Variants in FBXW2 observed in about 807,000 individuals in gnomAD.
FBXW2 encodes the protein F-box/WD repeat-containing protein 2.
In FBXW2, 12 loss-of-function variants were observed where a neutral mutation model predicts 46.0. The ratio of observed to expected loss-of-function variants is 0.26; its 90% CI spans 0.17 to 0.42. The LOEUF (loss-of-function observed/expected upper bound fraction) is 0.42. FBXW2 is among the 10% of genes least tolerant of loss of function. The pLI, the probability that FBXW2 is intolerant of heterozygous loss-of-function variation, is 1.00. For missense variants in FBXW2, 360 were observed against 537.0 expected (o/e 0.67, Z 3.26); for synonymous variants, 203 against 209.6 (o/e 0.97, Z 0.27).
In FBXW2 at chr9:120,784,637, C is replaced by T. The variant is rs1038682410; in HGVS notation, c.490+3132G>A. On this transcript the variant is annotated intron_variant, in intron 3 of 7. Coordinates refer to ENST00000608872, the MANE Select transcript of FBXW2 (RefSeq NM_012164.4). ...CTCCAAAAAAGAAAAAAAAAAAATG[C>T]GGCTGGGTGCAGTGCCTCACACCTG... Among the ~76,000 whole-genome samples, 13 of 150,894 alleles carry T rather than the reference C, an allele frequency of 8.6e-5. 1 individual carries two copies. The highest frequency in any genetic ancestry group is 6.3e-4 in the South Asian group (3 of 4,770).
intron 4 of FBXW2, among the ~76,000 whole-genome samples, chr9:120,777,267 A>G (rs2044516447): frequency 6.6e-6 from 1 of 152,272 alleles, no homozygotes; most frequent in East Asian, 1.9e-4. Context: ...TTCAAATATT[A>G]ATTTCTAACA....
rs2044761331 is a variant in FBXW2, at chr9:120,788,117, G to A, written c.142C>T (p.Leu48=). Residue 48 remains leucine, a synonymous_variant, in exon 3 of 8, where the codon CTA becomes TTA. Transcript: ENST00000608872. ...AVQLRHLSNN[L]ETLLKRDFLK... is the part of the protein sequence containing the mutation. ...AAGTCCCGCTTGAGGAGAGTCTCTAGGTTATTGGAGAGATGCCTGAGCTGG... is the reference window on the plus strand; with the variant it reads ...AAGTCCCGCTTGAGGAGAGTCTCTAAGTTATTGGAGAGATGCCTGAGCTGG... 6.2e-7 allele frequency: 1 copy of A among 1,614,162 alleles called. No homozygotes were observed. The highest frequency in any genetic ancestry group is 8.5e-7 in the Non-Finnish European group (1 of 1,180,028).
At chr9:120,774,072 A>T (rs2044437956) in intron 5 of FBXW2, among the ~76,000 whole-genome samples, 1 of 152,114 alleles carries the variant, frequency 6.6e-6, no homozygotes, top group South Asian at 2.1e-4. Context: ...ACGGTGGCTC[A>T]CGCCTGTAAT....
At chr9:120,766,967 T>C (rs995108123) in intron 7 of FBXW2, among the ~76,000 whole-genome samples, 6 of 152,196 alleles carry the variant, frequency 3.9e-5, no homozygotes, top group Non-Finnish European at 5.9e-5. Context: ...GGGGAGGGCA[T>C]AGCATATAAC....
In FBXW2 at chr9:120,757,984, T is replaced by C. The variant is rs1196618171; in HGVS notation, c.*6575A>G. The C allele has an allele frequency of 6.6e-6, 1 of 152,264 alleles. No homozygotes were observed. The highest frequency in any genetic ancestry group is 2.4e-5 in the African/African-American group (1 of 41,480). 9.4% of individuals were successfully genotyped at this position (152,264 alleles called of 1,614,324 possible). On this transcript the variant is annotated 3_prime_UTR_variant, in exon 8 of 8. Coordinates refer to ENST00000608872, the MANE Select transcript of FBXW2 (RefSeq NM_012164.4). ...TTTTTCTTCCAAGTTTAGATAGCTC[T>C]TAAGACAATCCATGGAATTCATTAA... is the stretch of plus-strand genomic sequence containing the variant.
Position 120,762,352 on chromosome 9 carries a change from AAT to A in FBXW2, c.*2205_*2206del, listed in dbSNP as rs72236857. On this transcript the variant is annotated 3_prime_UTR_variant, in exon 8 of 8. Coordinates refer to ENST00000608872, the MANE Select transcript of FBXW2 (RefSeq NM_012164.4). ...CGAAACTCTGTCTCAAAAAAAAAAA[AAT>A]AATAATAAAGTAAAAAGTCATTTAC... 0.13 allele frequency: 19,415 copies of A among 150,426 alleles called. 1,330 individuals are homozygous for A. The highest frequency in any genetic ancestry group is 0.17 in the Middle Eastern group (51 of 292). The allele number at this position is 150,426 out of a possible 1,614,324, so 9.3% of individuals were successfully genotyped here. A position where few individuals can be genotyped will look rare whatever the true frequency, so the allele number is the denominator to read the frequency against.
intron 3 of FBXW2, among the ~76,000 whole-genome samples, chr9:120,784,863 G>A (rs1328845328): frequency 6.7e-6 from 1 of 150,126 alleles, no homozygotes; most frequent in Non-Finnish European, 1.5e-5. Flanking sequence ...GGAGGTTGCA[G>A]TGAGCCGAGA....
intron 5 of FBXW2, among the ~76,000 whole-genome samples, chr9:120,775,510 C>G (rs910151369): frequency 7.9e-5 from 12 of 152,188 alleles, no homozygotes; most frequent in African/African-American, 2.7e-4. Context: ...TCTCAGCCCC[C>G]TCATAGAATG....
chr9:120,775,996 T>G, intron 5 of FBXW2, 97 bp downstream of exon 5: 1 of 1,450,674 alleles, frequency 6.9e-7, no homozygotes, highest in Non-Finnish European at 9.4e-7. Flanking sequence ...AATTCCATCT[T>G]ATGACTCACC....
intron 3 of FBXW2, among the ~76,000 whole-genome samples, chr9:120,779,090 C>A (rs886200376): frequency 1.3e-5 from 2 of 152,164 alleles, no homozygotes; most frequent in African/African-American, 4.8e-5. Context: ...TCTTGAAATA[C>A]GTGAAGGAAG....
chr9:120,782,816 A>T (rs1212937012), intron 3 of FBXW2, among the ~76,000 whole-genome samples: 1 of 152,106 alleles, frequency 6.6e-6, no homozygotes, highest in African/African-American at 2.4e-5. Context: ...TACTCCAACC[A>T]CTCCAACCTG....
chr9:120,789,101 T>C (rs1177025490), intron 2 of FBXW2, among the ~76,000 whole-genome samples: 1 of 151,236 alleles, frequency 6.6e-6, no homozygotes. Flanking sequence ...CACCAGAAAA[T>C]AGACATTATC....
rs183966153 is a variant in FBXW2 at position 120,771,213 on chromosome 9, C to T, written c.1076+135G>A. Reference sequence around the variant, plus strand: ...TCTGAGATGTTCAGTATATATAACCCTGTTTACAAGTGATACAGTATACAT... The same window carrying T: ...TCTGAGATGTTCAGTATATATAACCTTGTTTACAAGTGATACAGTATACAT... On this transcript the variant is annotated intron_variant, in intron 7 of 7. Transcript: ENST00000608872. The T allele has an allele frequency of 1.2e-4, 82 of 706,238 alleles. 1 individual carries two copies. The Admixed American group carries it at 2.5e-3, about 21-fold the overall frequency. 43.7% of individuals were successfully genotyped at this position (706,238 alleles called of 1,614,324 possible).
At position 120,757,686 on chromosome 9, in the gene FBXW2, C is replaced by G. The variant is rs140534069; in HGVS notation, c.*6873G>C. The G allele has an allele frequency of 6.6e-6, 1 of 152,206 alleles. No homozygotes were observed. The highest frequency in any genetic ancestry group is 1.5e-5 in the Non-Finnish European group (1 of 68,000). The allele number at this position is 152,206 out of a possible 1,614,324, so 9.4% of individuals were successfully genotyped here. A position where few individuals can be genotyped will look rare whatever the true frequency, so the allele number is the denominator to read the frequency against. Reference sequence around the variant, plus strand: ...ATAAAGGAGCTCTGGGTAATTTTCTCCATAAGTTTTTATTACTGTTAGATT... The same window carrying G: ...ATAAAGGAGCTCTGGGTAATTTTCTGCATAAGTTTTTATTACTGTTAGATT... On this transcript the variant is annotated 3_prime_UTR_variant, in exon 8 of 8. Transcript: ENST00000608872.
chr9:120,779,287 T>C (rs538004830), intron 3 of FBXW2, among the ~76,000 whole-genome samples: 1 of 152,352 alleles, frequency 6.6e-6, no homozygotes, highest in African/African-American at 2.4e-5. Flanking sequence ...GATTAATTCA[T>C]TCTTACAATG....
chr9:120,780,302 C>T (rs969555903), intron 3 of FBXW2, among the ~76,000 whole-genome samples: 2 of 150,792 alleles, frequency 1.3e-5, no homozygotes, highest in African/African-American at 4.9e-5. Flanking sequence ...TTGTAGTGAG[C>T]CAAGATCACA....
intron 2 of FBXW2, among the ~76,000 whole-genome samples, chr9:120,789,640 T>C (rs2044793925): frequency 6.6e-6 from 1 of 152,228 alleles, no homozygotes; most frequent in African/African-American, 2.4e-5. Flanking sequence ...TTTAAAAACA[T>C]ATGTCCAAAT....
chr9:120,767,524 G>A (rs1007418029), intron 7 of FBXW2, among the ~76,000 whole-genome samples: 2 of 152,160 alleles, frequency 1.3e-5, no homozygotes, highest in African/African-American at 4.8e-5. Context: ...CCCAATATGT[G>A]TGTTCCAAAT....
Position 120,771,530 on chromosome 9 carries a change from G to T in FBXW2, c.907-13C>A, listed in dbSNP as rs575640298. Reference sequence around the variant, plus strand: ...CAATTGGCCAAATCTACAGAAAAAAGAAAATGAGGAAAGATGAGAGATCAC... The same window carrying T: ...CAATTGGCCAAATCTACAGAAAAAATAAAATGAGGAAAGATGAGAGATCAC... On this transcript the variant is annotated splice_polypyrimidine_tract_variant and intron_variant, in intron 6 of 7. Transcript: ENST00000608872. 15 of 1,602,682 alleles carry T rather than the reference G, an allele frequency of 9.4e-6. No individual in the cohort carries two copies. The highest frequency in any genetic ancestry group is 1.2e-5 in the Non-Finnish European group (14 of 1,175,430).
Sources: allele counts gnomAD v4.1 joint callset (sites outside exome capture counted in the v4.1 genomes callset), GRCh38; gene constraint gnomAD v4.1.1; transcripts MANE v1.5; gene names NCBI Gene and HGNC (gene_info 2026-07-23, HGNC 2026-07-21).